The following AQP1 variants were observed in gnomAD, a reference collection of about 807,000 sequenced individuals.
AQP1 encodes the protein aquaporin 1 (Colton blood group), also known as aquaporin-1.
In AQP1, 11 loss-of-function variants were observed where a neutral mutation model predicts 19.7. The ratio of observed to expected loss-of-function variants is 0.56; its 90% CI spans 0.35 to 0.92. The LOEUF (loss-of-function observed/expected upper bound fraction) is 0.92, where lower values mean the gene tolerates loss of function less well. Ranked by LOEUF, AQP1 falls within the 40% of genes least tolerant of loss-of-function variation. The pLI, the probability that AQP1 is intolerant of heterozygous loss-of-function variation, is 0.01. For missense variants in AQP1, 320 were observed against 369.7 expected (o/e 0.87, Z 1.10); for synonymous variants, 159 against 166.7 (o/e 0.95, Z 0.36).
At chr7:30,919,949 C>G (rs765839) in intron 1 of AQP1, among the ~76,000 whole-genome samples, 34,199 of 152,054 alleles carry the variant, frequency 0.22, 6,447 homozygotes, top group African/African-American at 0.51. Context: ...TCAGCAGTCA[C>G]GAAGGCACAT....
intron 1 of AQP1, among the ~76,000 whole-genome samples, chr7:30,917,813 AT>A (rs1171997271): frequency 6.6e-6 from 1 of 152,126 alleles, no homozygotes; most frequent in Non-Finnish European, 1.5e-5. Context: ...TGATCATGTT[AT>A]TGGTAGTTTT....
At chr7:30,914,437 G>A (rs907472602) in intron 1 of AQP1, among the ~76,000 whole-genome samples, 24 of 152,236 alleles carry the variant, frequency 1.6e-4, no homozygotes, top group African/African-American at 5.1e-4. Flanking sequence ...GCTAAGAGCA[G>A]CCCAGCAGGG....
chr7:30,915,458 G>A (rs1791318552), intron 1 of AQP1, among the ~76,000 whole-genome samples: 1 of 152,196 alleles, frequency 6.6e-6, no homozygotes, highest in Non-Finnish European at 1.5e-5. Context: ...GCAGAGGGAA[G>A]GGGCAGAGGG....
At chr7:30,917,897 C>T (rs530400573) in intron 1 of AQP1, among the ~76,000 whole-genome samples, 1 of 152,276 alleles carries the variant, frequency 6.6e-6, no homozygotes, top group East Asian at 1.9e-4. Flanking sequence ...GTAGGGTGAT[C>T]CAGTCCTCCT....
At chr7:30,919,281 C>G (rs1410556739) in intron 1 of AQP1, among the ~76,000 whole-genome samples, 2 of 152,166 alleles carry the variant, frequency 1.3e-5, no homozygotes, top group Admixed American at 6.5e-5. Context: ...ACAAGATGCA[C>G]AGAGAATTCA....
At chr7:30,922,537 C>T (rs201303619) in intron 2 of AQP1, 27 bp from the exon 3 acceptor site, 24 of 1,602,692 alleles carry the variant, frequency 1.5e-5, no homozygotes, top group Non-Finnish European at 2.1e-5. Flanking sequence ...CTGCCTTCGC[C>T]CCTCCCTCTG....
intron 1 of AQP1, among the ~76,000 whole-genome samples, chr7:30,921,060 C>A (rs891830455): frequency 5.8e-4 from 88 of 152,276 alleles, no homozygotes; most frequent in African/African-American, 2.0e-3. Flanking sequence ...TTGGGTGCAC[C>A]AGCCCTGCCT....
At chr7:30,922,019 C>T in intron 1 of AQP1, 47 bp from the exon 2 acceptor site, 1 of 1,610,782 alleles carries the variant, frequency 6.2e-7, no homozygotes, top group Non-Finnish European at 8.5e-7. Flanking sequence ...GGGACACAGT[C>T]CCTGCCTACC....
chr7:30,921,706 G>T, intron 1 of AQP1: 1 of 1,551,080 alleles, frequency 6.4e-7, no homozygotes. Context: ...TCACCTTCAT[G>T]CCTGGGGCTC....
At chr7:30,922,505 C>G in intron 2 of AQP1, 59 bp from the exon 3 acceptor site, 2 of 1,518,112 alleles carry the variant, frequency 1.3e-6, no homozygotes, top group South Asian at 2.2e-5. Context: ...CCTCCTCTCA[C>G]TCTCTCTTCA....
intron 1 of AQP1, among the ~76,000 whole-genome samples, chr7:30,914,001 G>C (rs1328009695): frequency 6.6e-6 from 1 of 152,136 alleles, no homozygotes. Flanking sequence ...TTCTGGCCCC[G>C]TCTCTTCCCT....
chr7:30,921,972 G>T, intron 1 of AQP1, 94 bp from the exon 2 acceptor site: 1 of 1,589,884 alleles, frequency 6.3e-7, no homozygotes. Flanking sequence ...CGCCCTTCAT[G>T]CCTGGGCCTG....
chr7:30,921,483 GGA>G, intron 1 of AQP1: 13 of 1,479,148 alleles, frequency 8.8e-6, no homozygotes, highest in South Asian at 4.2e-5. Context: ...GGGTGGAGAA[GGA>G]GAGAGAGAGG....
rs1240447688 is a variant in AQP1, at chr7:30,915,436, T to TCCAC, written c.384+3143_384+3144insCCAC. On this transcript the variant is annotated intron_variant, in intron 1 of 3. Coordinates refer to ENST00000311813, the MANE Select transcript of AQP1 (RefSeq NM_198098.4). ...GGAGGAGGTTTCGTAGGAGCCTGAA[T>TCCAC]GTGGAGACACTGCAGAGGGAAGGGG... Among the ~76,000 whole-genome samples, 3 of 152,114 alleles carry TCCAC rather than the reference T, an allele frequency of 2.0e-5. No individual in the cohort carries two copies. In the East Asian group the frequency reaches 5.8e-4, roughly 29 times the overall value.
chr7:30,922,614 G>A lies in AQP1; in HGVS notation c.600G>A (p.Ala200=), dbSNP rs147503533. The A allele has an allele frequency of 1.4e-5, 22 of 1,613,946 alleles. No individual in the cohort carries two copies. The highest frequency in any genetic ancestry group is 6.7e-5 in the African/African-American group (5 of 74,892). The change falls in exon 3 of 4, where the codon GCG becomes GCA. Residue 200 remains alanine, a synonymous_variant. Transcript: ENST00000311813. ...GINPARSFGS[A]VITHNFSNHW... ...ACCCTGCTCGGTCCTTTGGCTCCGCGGTGATCACACACAACTTCAGCAACC... is the reference window on the plus strand; with the variant it reads ...ACCCTGCTCGGTCCTTTGGCTCCGCAGTGATCACACACAACTTCAGCAACC...
intron 1 of AQP1, chr7:30,921,228 C>A (rs1418520042): frequency 2.7e-6 from 3 of 1,101,012 alleles, no homozygotes; most frequent in South Asian, 3.6e-5. Flanking sequence ...CCTCCGGGGG[C>A]AGCTGCATGG....
intron 1 of AQP1, among the ~76,000 whole-genome samples, chr7:30,920,536 C>T (rs779271297): frequency 1.3e-5 from 2 of 152,218 alleles, no homozygotes; most frequent in African/African-American, 2.4e-5. Flanking sequence ...CCTCCTGCGT[C>T]GACAACTCTT....
At position 30,912,015 on chromosome 7, in the gene AQP1, A is replaced by G. The variant is rs1485138944; in HGVS notation, c.106A>G (p.Lys36Glu). The G allele has an allele frequency of 6.2e-7, 1 of 1,613,608 alleles. No homozygotes were observed. Among genetic ancestry groups the G allele is most frequent in the Non-Finnish European group, 8.5e-7 (1 of 1,180,026 alleles). The change falls in exon 1 of 4, where the codon AAA (lysine) becomes GAA (glutamate). Residue 36 changes from lysine to glutamate, a missense_variant. Physicochemically the swap from Lys to Glu is moderately conservative, Grantham distance 56. Transcript: ENST00000311813. This position sits in a 1 kb window ranked among gnomAD's most constrained non-coding sequence, Gnocchi z 4.3. ...FISIGSALGF[K>E]YPVGNNQTAV... is the part of the protein sequence containing the mutation. ...CAGCATCGGTTCTGCCCTGGGCTTC[A>G]AATACCCGGTGGGGAACAACCAGAC...
intron 1 of AQP1, among the ~76,000 whole-genome samples, chr7:30,920,117 A>T (rs571740144): frequency 1.1e-4 from 17 of 152,120 alleles, no homozygotes; most frequent in Non-Finnish European, 2.5e-4. Flanking sequence ...GAACCAGAGG[A>T]GATGAGCTCT....
Sources: gnomAD v4.1 joint callset for allele counts (sites outside exome capture counted in the v4.1 genomes callset) on GRCh38, gnomAD v4.1.1 for gene constraint, Gnocchi (gnomAD v3.1) non-coding constraint, MANE v1.5 for transcripts, NCBI Gene and HGNC (gene_info 2026-07-23, HGNC 2026-07-21) for gene names.